Variants in PKN2 observed in about 807,000 individuals in gnomAD.
PKN2 encodes serine/threonine-protein kinase N2.
A neutral mutation model predicts 119.1 loss-of-function variants in PKN2; 38 were observed. The observed-to-expected ratio is 0.32, with a 90% CI of 0.25 to 0.42. PKN2 has a LOEUF of 0.42. Among genes scored for constraint, PKN2 ranks in the 10% least tolerant of loss-of-function variants. The probability of loss-of-function intolerance (pLI) is 1.00; values close to 1 mark genes in which losing one functional copy is unlikely to be tolerated. For missense variants in PKN2, 850 were observed against 1,165.1 expected (o/e 0.73, Z 3.94); for synonymous variants, 390 against 384.9 (o/e 1.01, Z -0.15).
Position 88,784,132 on chromosome 1 carries a change from C to CTTTTTTT in PKN2, c.986-491_986-485dup, listed in dbSNP as rs397862410. 2.6e-3 allele frequency among the ~76,000 whole-genome samples: 268 copies of CTTTTTTT among 103,920 alleles called. 6 individuals are homozygous for CTTTTTTT. The highest frequency in any genetic ancestry group is 4.6e-3 in the African/African-American group (112 of 24,586). The allele number at this position is 103,920 out of a possible 152,430, so 68.2% of individuals were successfully genotyped here. A position where few individuals can be genotyped will look rare whatever the true frequency, so the allele number is the denominator to read the frequency against. ...AGACAACTTTTGGGAGATGCTGTTCCTTTTTTTTTTTTTTTTTTTTTTGGA... is the reference window on the plus strand; with the variant it reads ...AGACAACTTTTGGGAGATGCTGTTCCTTTTTTTTTTTTTTTTTTTTTTTTTTTTTGGA... On this transcript the variant is annotated intron_variant, in intron 6 of 21. Transcript: ENST00000370521.
chr1:88,827,017 C>CTAAG (rs1672526622), intron 18 of PKN2, among the ~76,000 whole-genome samples: 1 of 151,810 alleles, frequency 6.6e-6, no homozygotes, highest in African/African-American at 2.4e-5. Flanking sequence ...TCTAATTGTG[C>CTAAG]CCTTCAGGTC....
At chr1:88,736,767 C>G (rs1225708948) in intron 1 of PKN2, among the ~76,000 whole-genome samples, 1 of 152,208 alleles carries the variant, frequency 6.6e-6, no homozygotes, top group Non-Finnish European at 1.5e-5. Flanking sequence ...TCCAGAAATT[C>G]TAAGCAGGGC....
intron 2 of PKN2, among the ~76,000 whole-genome samples, chr1:88,756,731 G>C (rs1669219786): frequency 6.6e-6 from 1 of 152,268 alleles, no homozygotes; most frequent in Middle Eastern, 3.4e-3. Flanking sequence ...GAACTGTTCA[G>C]TCATTGTTAT....
At chr1:88,774,907 CTG>C (rs142271778) in intron 6 of PKN2, among the ~76,000 whole-genome samples, 1,964 of 152,246 alleles carry the variant, frequency 0.013, 43 homozygotes, top group African/African-American at 0.045. Context: ...TGGCGTCTCA[CTG>C]TGTTGCTCAG....
chr1:88,707,863 G>A (rs910457184), intron 1 of PKN2, among the ~76,000 whole-genome samples: 6 of 152,076 alleles, frequency 3.9e-5, no homozygotes, highest in African/African-American at 1.4e-4. Context: ...TTATCTCAGA[G>A]CACTCTTAGA....
chr1:88,817,212 G>A (rs111858208), intron 16 of PKN2, among the ~76,000 whole-genome samples: 10,185 of 152,066 alleles, frequency 0.067, 699 homozygotes, highest in African/African-American at 0.18. Context: ...CGATCAAGTC[G>A]GCTTCATCCC....
intron 1 of PKN2, among the ~76,000 whole-genome samples, chr1:88,737,418 A>G (rs889151922): frequency 6.6e-6 from 1 of 152,022 alleles, no homozygotes; most frequent in African/African-American, 2.4e-5. Flanking sequence ...CTGAGTCAAG[A>G]TCAAAGTACT....
At chr1:88,759,911 A>C (rs925106365) in intron 2 of PKN2, among the ~76,000 whole-genome samples, 4 of 152,198 alleles carry the variant, frequency 2.6e-5, no homozygotes, top group Admixed American at 6.5e-5. Flanking sequence ...TTCATAGCCA[A>C]ATTCTACCAG....
chr1:88,784,942 A>T (rs1369610083), intron 7 of PKN2, 118 bp downstream of exon 7: 1 of 504,064 alleles, frequency 2.0e-6, no homozygotes, highest in Non-Finnish European at 3.3e-6. Context: ...AATTTAATTA[A>T]AAAATATTAA....
chr1:88,740,971 G>A lies in PKN2; in HGVS notation c.49-17G>A. The A allele has an allele frequency of 6.5e-7, 1 of 1,529,760 alleles. No individual in the cohort carries two copies. Among genetic ancestry groups the A allele is most frequent in the South Asian group, 1.3e-5 (1 of 76,016 alleles). The allele number at this position is 1,529,760 out of a possible 1,614,324, so 94.8% of individuals were successfully genotyped here. ...CTCTCCTAAACTCCCACATTTGTAT[G>A]TTTATTTTTTCTGTAGGGGGATTCC... On this transcript the variant is annotated splice_polypyrimidine_tract_variant and intron_variant, in intron 1 of 21. Coordinates refer to ENST00000370521, the MANE Select transcript of PKN2 (RefSeq NM_006256.4).
intron 1 of PKN2, among the ~76,000 whole-genome samples, chr1:88,732,574 T>C (rs1355650449): frequency 6.6e-6 from 1 of 152,162 alleles, no homozygotes; most frequent in Non-Finnish European, 1.5e-5. Context: ...CTGATATTTG[T>C]AAGCTTTATA....
chr1:88,766,052 A>T (rs1478192140), intron 3 of PKN2, among the ~76,000 whole-genome samples: 2 of 152,118 alleles, frequency 1.3e-5, no homozygotes, highest in African/African-American at 4.8e-5. Context: ...ACCTTAGATG[A>T]TCCCCCAGCC....
At chr1:88,776,986 G>A (rs1459286089) in intron 6 of PKN2, among the ~76,000 whole-genome samples, 9 of 152,134 alleles carry the variant, frequency 5.9e-5, no homozygotes, top group East Asian at 1.9e-4. Context: ...GATTTGGGAA[G>A]TTTCCAATCA....
At chr1:88,780,397 T>C (rs1298109836) in intron 6 of PKN2, among the ~76,000 whole-genome samples, 1 of 152,154 alleles carries the variant, frequency 6.6e-6, no homozygotes, top group Non-Finnish European at 1.5e-5. Flanking sequence ...CTGAGAAAGC[T>C]TGGGAACCTC....
intron 16 of PKN2, 139 bp downstream of exon 16, chr1:88,813,872 AC>A (rs1417250388): frequency 4.8e-6 from 3 of 628,242 alleles, no homozygotes; most frequent in South Asian, 5.8e-5. Flanking sequence ...CTCCTTACTT[AC>A]TTTTTTGCCA....
At chr1:88,734,217 CTG>C (rs1284696226) in intron 1 of PKN2, among the ~76,000 whole-genome samples, 1 of 151,520 alleles carries the variant, frequency 6.6e-6, no homozygotes, top group East Asian at 1.9e-4. Context: ...AATGCTCAAA[CTG>C]TTTTTGCTTT....
intron 18 of PKN2, among the ~76,000 whole-genome samples, chr1:88,827,679 T>G (rs1358187373): frequency 7.9e-6 from 1 of 126,924 alleles, no homozygotes; most frequent in Non-Finnish European, 1.6e-5. Flanking sequence ...CTCCTCTCTC[T>G]CTCTCTATAT....
At chr1:88,784,578 G>T (rs1473004923) in intron 6 of PKN2, 61 bp from the exon 7 acceptor site, 3 of 1,045,664 alleles carry the variant, frequency 2.9e-6, no homozygotes, top group Non-Finnish European at 3.9e-6. Context: ...AAGAGATTTA[G>T]ATTAAGGATT....
chr1:88,730,796 G>A (rs933776729), intron 1 of PKN2, among the ~76,000 whole-genome samples: 1 of 152,198 alleles, frequency 6.6e-6, no homozygotes, highest in Admixed American at 6.5e-5. Flanking sequence ...GGGCATGGCC[G>A]TTATGAGACT....
Sources: gnomAD v4.1 joint callset for allele counts (sites outside exome capture counted in the v4.1 genomes callset) on GRCh38, gnomAD v4.1.1 for gene constraint, MANE v1.5 for transcripts, NCBI Gene and HGNC (gene_info 2026-07-23, HGNC 2026-07-21) for gene names.